Variants in PRKAR2B observed in about 807,000 individuals in gnomAD.
PRKAR2B encodes the protein cAMP-dependent protein kinase type II-beta regulatory subunit.
In PRKAR2B, 14 loss-of-function variants were observed where a neutral mutation model predicts 49.9. That is an observed-to-expected ratio of 0.28 (90% confidence interval 0.19 to 0.44). The LOEUF (loss-of-function observed/expected upper bound fraction) is 0.44. PRKAR2B is among the 20% of genes least tolerant of loss of function. The pLI, the probability that PRKAR2B is intolerant of heterozygous loss-of-function variation, is 1.00. For missense variants in PRKAR2B, 393 were observed against 537.9 expected (o/e 0.73, Z 2.67); for synonymous variants, 196 against 197.7 (o/e 0.99, Z 0.07).
intron 2 of PRKAR2B, chr7:107,091,539 A>G (rs894690935): frequency 1.3e-5 from 2 of 152,178 alleles, no homozygotes; most frequent in Non-Finnish European, 2.9e-5. Context: ...GGACAGTGAG[A>G]GCCTGTGAAT....
chr7:107,048,049 G>A (rs750189985), intron 1 of PRKAR2B, among the ~76,000 whole-genome samples: 6 of 152,160 alleles, frequency 3.9e-5, no homozygotes, highest in Non-Finnish European at 5.9e-5. Flanking sequence ...TTATGAGAAC[G>A]ATAAGGCCAT....
chr7:107,118,520 T>G (rs1452926191), intron 2 of PRKAR2B, among the ~76,000 whole-genome samples: 1 of 151,216 alleles, frequency 6.6e-6, no homozygotes, highest in Non-Finnish European at 1.5e-5. Context: ...AATACAGAGA[T>G]GAACAAGAGC....
At chr7:107,104,302 T>C (rs1174804548) in intron 2 of PRKAR2B, among the ~76,000 whole-genome samples, 1 of 152,210 alleles carries the variant, frequency 6.6e-6, no homozygotes, top group Non-Finnish European at 1.5e-5. Flanking sequence ...CCCAAAGTGC[T>C]GGGATTACAG....
intron 1 of PRKAR2B, 104 bp downstream of exon 1, chr7:107,045,318 C>T (rs1205985951): frequency 3.1e-6 from 3 of 983,524 alleles, no homozygotes; most frequent in Non-Finnish European, 4.3e-6. Context: ...CCACCTCTCC[C>T]CGCATTCTCC....
At chr7:107,132,500 G>A (rs1489458970) in intron 4 of PRKAR2B, among the ~76,000 whole-genome samples, 3 of 152,180 alleles carry the variant, frequency 2.0e-5, no homozygotes, top group Non-Finnish European at 2.9e-5. Flanking sequence ...AGAAAACGAG[G>A]TCATGATCTA....
intron 1 of PRKAR2B, among the ~76,000 whole-genome samples, chr7:107,053,345 A>G (rs1287208256): frequency 6.6e-6 from 1 of 152,188 alleles, no homozygotes; most frequent in Admixed American, 6.5e-5. Context: ...AAGCAATTCT[A>G]AGCAAGTTGT....
At chr7:107,063,122 G>T (rs2116762113) in intron 1 of PRKAR2B, among the ~76,000 whole-genome samples, 1 of 152,154 alleles carries the variant, frequency 6.6e-6, no homozygotes, top group South Asian at 2.1e-4. Context: ...TCATGCCTCA[G>T]CCTCCCAAGT....
intron 4 of PRKAR2B, among the ~76,000 whole-genome samples, chr7:107,130,735 A>C (rs1795591997): frequency 6.6e-6 from 1 of 152,184 alleles, no homozygotes; most frequent in Non-Finnish European, 1.5e-5. Context: ...CTGAGTTGAT[A>C]TCAAAGCTAG....
intron 2 of PRKAR2B, among the ~76,000 whole-genome samples, chr7:107,118,495 A>C (rs1352934390): frequency 6.6e-6 from 1 of 151,860 alleles, no homozygotes; most frequent in Non-Finnish European, 1.5e-5. Context: ...CAATGTGCCA[A>C]GTCAGTGCTA....
intron 2 of PRKAR2B, among the ~76,000 whole-genome samples, chr7:107,071,925 C>T (rs1001216835): frequency 2.6e-5 from 4 of 151,690 alleles, no homozygotes; most frequent in South Asian, 2.1e-4. Flanking sequence ...CAAAATGAGC[C>T]GGGCGTGGTG....
chr7:107,106,683 G>GGGGTATA (rs1418896602), intron 2 of PRKAR2B, among the ~76,000 whole-genome samples: 2 of 152,148 alleles, frequency 1.3e-5, no homozygotes, highest in Non-Finnish European at 2.9e-5. Flanking sequence ...TCACTTCCTT[G>GGGGTATA]GGCAGTCGGG....
At position 107,045,227 on chromosome 7, in the gene PRKAR2B, C is replaced by T. The variant is rs1237290882; in HGVS notation, c.307+13C>T. Reference sequence around the variant, plus strand: ...GGGGCGTTCAATGGTGAGGACCAGACCCCCCACTTCGCGCCCCCGGATCCC... The same window carrying T: ...GGGGCGTTCAATGGTGAGGACCAGATCCCCCACTTCGCGCCCCCGGATCCC... On this transcript the variant is annotated intron_variant, in intron 1 of 10. Coordinates refer to ENST00000265717, the MANE Select transcript of PRKAR2B (RefSeq NM_002736.3). The T allele has an allele frequency of 1.4e-6, 2 of 1,406,364 alleles. No homozygotes were observed. Among genetic ancestry groups the T allele is most frequent in the South Asian group, 1.5e-5 (1 of 65,458 alleles). 87.1% of individuals were successfully genotyped at this position (1,406,364 alleles called of 1,614,324 possible). A position where few individuals can be genotyped will look rare whatever the true frequency, so the allele number is the denominator to read the frequency against.
At chr7:107,135,063 G>A (rs1353898017) in intron 4 of PRKAR2B, among the ~76,000 whole-genome samples, 2 of 151,392 alleles carry the variant, frequency 1.3e-5, no homozygotes, top group Non-Finnish European at 2.9e-5. Context: ...AAAATTATTT[G>A]CCAATCATAT....
At chr7:107,149,583 T>A (rs1049491844) in intron 6 of PRKAR2B, among the ~76,000 whole-genome samples, 1 of 152,104 alleles carries the variant, frequency 6.6e-6, no homozygotes, top group African/African-American at 2.4e-5. Context: ...TCCAGCCTCA[T>A]GACCTAACCA....
intron 6 of PRKAR2B, among the ~76,000 whole-genome samples, chr7:107,149,369 G>T (rs975815495): frequency 6.6e-6 from 1 of 152,086 alleles, no homozygotes; most frequent in Non-Finnish European, 1.5e-5. Flanking sequence ...TATAGAATGG[G>T]TGGCTTAAGC....
chr7:107,120,800 C>A (rs1451083285), intron 2 of PRKAR2B, among the ~76,000 whole-genome samples: 5 of 151,442 alleles, frequency 3.3e-5, no homozygotes, highest in African/African-American at 1.2e-4. Context: ...TTTGTAGTTA[C>A]AATTGAAAAG....
intron 2 of PRKAR2B, among the ~76,000 whole-genome samples, chr7:107,071,895 C>G (rs1794284158): frequency 6.6e-6 from 1 of 151,904 alleles, no homozygotes. Context: ...GAAACCCCGT[C>G]TCTGCTAAAA....
chr7:107,149,188 G>A (rs534222300), intron 6 of PRKAR2B, among the ~76,000 whole-genome samples: 1 of 152,274 alleles, frequency 6.6e-6, no homozygotes, highest in Admixed American at 6.5e-5. Flanking sequence ...TTCTGATGCA[G>A]AGCCAGGCTT....
intron 1 of PRKAR2B, among the ~76,000 whole-genome samples, chr7:107,055,167 A>G (rs2116752593): frequency 6.6e-6 from 1 of 152,276 alleles, no homozygotes; most frequent in East Asian, 1.9e-4. Context: ...GCTGCATAGT[A>G]TTCCATGGTG....
Sources: gnomAD v4.1 joint callset for allele counts (sites outside exome capture counted in the v4.1 genomes callset) on GRCh38, gnomAD v4.1.1 for gene constraint, MANE v1.5 for transcripts, NCBI Gene and HGNC (gene_info 2026-07-23, HGNC 2026-07-21) for gene names.